The following USP10 variants were observed in gnomAD, a reference collection of about 807,000 sequenced individuals.
The protein encoded by USP10 is ubiquitin carboxyl-terminal hydrolase 10.
USP10 carries 22 observed loss-of-function variants against 84.5 expected under a neutral mutation model. That is an observed-to-expected ratio of 0.26 (90% CI 0.19 to 0.37). USP10 has a LOEUF of 0.37. Among genes scored for constraint, USP10 ranks in the 10% least tolerant of loss-of-function variants. The pLI is 1.00. For synonymous variants in USP10, 454 were observed against 387.6 expected, an observed-to-expected ratio of 1.17 and a Z score of -2.01; for missense variants, 1,019 against 998.9, an observed-to-expected ratio of 1.02 and a Z score of -0.27.
intron 1 of USP10, chr16:84,709,271 C>G (rs1905959921): frequency 6.6e-6 from 1 of 152,196 alleles, no homozygotes; most frequent in Admixed American, 6.5e-5. Flanking sequence ...AGAACCGTTC[C>G]CGTGGAAGTG....
At chr16:84,717,030 TA>T (rs1202538507) in intron 1 of USP10, among the ~76,000 whole-genome samples, 1 of 152,176 alleles carries the variant, frequency 6.6e-6, no homozygotes, top group African/African-American at 2.4e-5. Flanking sequence ...TTCTCAAACT[TA>T]AAAGTCCGTT....
chr16:84,705,981 C>G (rs1186509423), intron 1 of USP10, among the ~76,000 whole-genome samples: 2 of 152,112 alleles, frequency 1.3e-5, no homozygotes, highest in African/African-American at 2.4e-5. Context: ...CTTGGCCTCC[C>G]AAAGTGCTGG....
At chr16:84,713,542 C>T (rs1381032142) in intron 1 of USP10, among the ~76,000 whole-genome samples, 2 of 152,152 alleles carry the variant, frequency 1.3e-5, no homozygotes, top group East Asian at 1.9e-4. Context: ...ATGTAAGCTC[C>T]GTGAGGGCAG....
At position 84,772,702 on chromosome 16, in the gene USP10, G is replaced by T; in HGVS notation, c.2143+17G>T. 1 of 1,613,048 alleles carries T rather than the reference G, an allele frequency of 6.2e-7. No homozygotes were observed. Among genetic ancestry groups the T allele is most frequent in the Non-Finnish European group, 8.5e-7 (1 of 1,179,158 alleles). On this transcript the variant is annotated intron_variant, in intron 12 of 13. Coordinates refer to ENST00000219473, the MANE Select transcript of USP10 (RefSeq NM_005153.3). Reference sequence around the variant, plus strand: ...TTAGTAAAGGTAATGCATACATAAGGTCGGGAGTGTTCGTGGTGACACACT... The same window carrying T: ...TTAGTAAAGGTAATGCATACATAAGTTCGGGAGTGTTCGTGGTGACACACT...
chr16:84,740,390 T>C, intron 3 of USP10, 21 bp downstream of exon 3: 1 of 1,608,058 alleles, frequency 6.2e-7, no homozygotes. Flanking sequence ...TCTCTCCTTA[T>C]TTCCCTGAAG....
At position 84,709,744 on chromosome 16, in the gene USP10, G is replaced by C. The variant is rs542574212; in HGVS notation, c.21+9633G>C. Reference sequence around the variant, plus strand: ...CTGGGAAGACGTCTCTTGTAGAACGGTGACATTTGAGCTGGAGTTTTTCAG... The same window carrying C: ...CTGGGAAGACGTCTCTTGTAGAACGCTGACATTTGAGCTGGAGTTTTTCAG... On this transcript the variant is annotated intron_variant, in intron 1 of 13. Transcript: ENST00000219473. Among the ~76,000 whole-genome samples, 5 of 152,292 alleles carry C rather than the reference G, an allele frequency of 3.3e-5. No individual in the cohort carries two copies. The East Asian group carries it at 7.7e-4, about 23-fold the overall frequency.
intron 3 of USP10, 63 bp from the exon 4 acceptor site, chr16:84,744,570 T>C: frequency 1.4e-6 from 2 of 1,401,416 alleles, no homozygotes; most frequent in South Asian, 3.0e-5. Flanking sequence ...AGAAAGTGAG[T>C]AATTACTGGT....
intron 10 of USP10, among the ~76,000 whole-genome samples, chr16:84,766,639 A>G (rs1214421046): frequency 6.6e-6 from 1 of 152,190 alleles, no homozygotes; most frequent in Non-Finnish European, 1.5e-5. Flanking sequence ...CAGCATACTC[A>G]AAGATCCCAA....
At chr16:84,750,698 G>A (rs1911828093) in intron 4 of USP10, among the ~76,000 whole-genome samples, 1 of 152,160 alleles carries the variant, frequency 6.6e-6, no homozygotes, top group Non-Finnish European at 1.5e-5. Flanking sequence ...TGTATTTGAT[G>A]TTTTGCTTTC....
intron 1 of USP10, among the ~76,000 whole-genome samples, chr16:84,729,294 T>C (rs755735829): frequency 1.3e-5 from 2 of 152,260 alleles, no homozygotes; most frequent in East Asian, 1.9e-4. Context: ...GAAAGAAATA[T>C]TTATCGTTTT....
At chr16:84,715,940 C>A (rs1906958304) in intron 1 of USP10, among the ~76,000 whole-genome samples, 1 of 152,206 alleles carries the variant, frequency 6.6e-6, no homozygotes, top group Admixed American at 6.5e-5. Flanking sequence ...GTCACACCAG[C>A]CTGACCAAGA....
chr16:84,705,080 A>T (rs1905302344), intron 1 of USP10, among the ~76,000 whole-genome samples: 1 of 152,032 alleles, frequency 6.6e-6, no homozygotes, highest in South Asian at 2.1e-4. Context: ...CATTCTTCGG[A>T]TCCATTCTCA....
At chr16:84,776,732 C>T (rs1016716397) in intron 13 of USP10, among the ~76,000 whole-genome samples, 1 of 152,210 alleles carries the variant, frequency 6.6e-6, no homozygotes, top group Non-Finnish European at 1.5e-5. Flanking sequence ...AGCACACACA[C>T]CCCTCCCCGA....
At chr16:84,700,190 G>A in intron 1 of USP10, 79 bp downstream of exon 1, 1 of 1,088,204 alleles carries the variant, frequency 9.2e-7, no homozygotes. Context: ...GGGCGTCCGC[G>A]CCCTGCCCGG....
At position 84,719,080 on chromosome 16, in the gene USP10, C is replaced by T. The variant is rs992399220; in HGVS notation, c.22-14355C>T. On this transcript the variant is annotated intron_variant, in intron 1 of 13. Coordinates refer to ENST00000219473, the MANE Select transcript of USP10 (RefSeq NM_005153.3). Reference sequence around the variant, plus strand: ...GTGCTGGGATTACAGGCATGAGCCACCGCGCCCGGCCAGTTTAGTTGTTGT... The same window carrying T: ...GTGCTGGGATTACAGGCATGAGCCATCGCGCCCGGCCAGTTTAGTTGTTGT... Among the ~76,000 whole-genome samples, 10 of 152,176 alleles carry T rather than the reference C, an allele frequency of 6.6e-5. 1 individual carries two copies. Among genetic ancestry groups the T allele is most frequent in the Admixed American group, 5.2e-4 (8 of 15,280 alleles).
chr16:84,701,955 G>A (rs1163338786), intron 1 of USP10, among the ~76,000 whole-genome samples: 3 of 42,312 alleles, frequency 7.1e-5, no homozygotes, highest in South Asian at 1.8e-3. Flanking sequence ...TTTTTTTTTT[G>A]AGTTGGAATT....
At chr16:84,769,108 A>G (rs1296363650) in intron 11 of USP10, among the ~76,000 whole-genome samples, 1 of 152,234 alleles carries the variant, frequency 6.6e-6, no homozygotes, top group African/African-American at 2.4e-5. Context: ...GGGGAGATGA[A>G]TGCAGGCTGA....
At position 84,772,675 on chromosome 16, in the gene USP10, A is replaced by T; in HGVS notation, c.2133A>T (p.Glu711Asp). The T allele has an allele frequency of 6.2e-7, 1 of 1,613,966 alleles. No individual in the cohort carries two copies. The highest frequency in any genetic ancestry group is 8.5e-7 in the Non-Finnish European group (1 of 1,179,888). The change falls in exon 12 of 14, where the codon GAA becomes GAT. Residue 711 changes from glutamate (E) to aspartate (D), a missense_variant. Physicochemically the swap from Glu to Asp is conservative, Grantham distance 45. This residue lies in a region of USP10 where 232 missense variants were observed against 290.1 expected (regional missense o/e 0.80). Coordinates refer to ENST00000219473, the MANE Select transcript of USP10 (RefSeq NM_005153.3). ...ATATTGAATATCCTGTGGACTTGGA[A>T]ATTAGTAAAGGTAATGCATACATAA... ...IKNIEYPVDL[E>D]ISKELLSPGV...
Position 84,779,244 on chromosome 16 carries a change from C to T in USP10, c.*162C>T, listed in dbSNP as rs530598759. ...GATGCCTTGGGGTTCGTGCACAACA[C>T]AGCTTCTGTTGACTCTAACTTCCAA... On this transcript the variant is annotated 3_prime_UTR_variant, in exon 14 of 14. Transcript: ENST00000219473. The T allele has an allele frequency of 2.8e-6, 2 of 703,644 alleles. No homozygotes were observed. The highest frequency in any genetic ancestry group is 4.5e-6 in the Non-Finnish European group (2 of 449,106). The allele number at this position is 703,644 out of a possible 1,614,324, so 43.6% of individuals were successfully genotyped here.
Sources: gnomAD v4.1 joint callset for allele counts (sites outside exome capture counted in the v4.1 genomes callset) on GRCh38, gnomAD v4.1.1 for gene constraint, gnomAD v4.1.1 regional missense constraint, MANE v1.5 for transcripts, NCBI Gene and HGNC (gene_info 2026-07-23, HGNC 2026-07-21) for gene names.